Variants in RFC3 observed in about 807,000 individuals in gnomAD.
RFC3 encodes A1 38 kDa subunit.
RFC3 carries 41 observed loss-of-function variants against 45.1 expected under a neutral mutation model. That is an observed-to-expected ratio of 0.91 (90% CI 0.71 to 1.18). RFC3 has a LOEUF of 1.18. RFC3 is among the 50% of genes most tolerant of loss of function. The pLI is 0.00. For synonymous variants in RFC3, 149 were observed against 144.0 expected, an observed-to-expected ratio of 1.03 and a Z score of -0.25; for missense variants, 423 against 428.1, an observed-to-expected ratio of 0.99 and a Z score of 0.10.
intron 5 of RFC3, 51 bp downstream of exon 5, chr13:33,830,068 A>AC: frequency 4.7e-6 from 7 of 1,476,932 alleles, no homozygotes; most frequent in South Asian, 1.1e-5. Flanking sequence ...GATTCTCTGA[A>AC]TATTGTATGC....
intron 8 of RFC3, among the ~76,000 whole-genome samples, chr13:33,911,086 A>G (rs2082701402): frequency 6.6e-6 from 1 of 152,242 alleles, no homozygotes; most frequent in East Asian, 1.9e-4. Context: ...CTTGGAGAAG[A>G]GCACTGAAGA....
intron 8 of RFC3, among the ~76,000 whole-genome samples, chr13:33,843,170 A>T (rs898583315): frequency 6.6e-6 from 1 of 151,506 alleles, no homozygotes; most frequent in African/African-American, 2.4e-5. Flanking sequence ...ATATTTTTCA[A>T]ATTGATGAAC....
intron 2 of RFC3, among the ~76,000 whole-genome samples, chr13:33,822,191 G>A (rs755318370): frequency 9.2e-5 from 14 of 152,146 alleles, no homozygotes; most frequent in African/African-American, 2.4e-5. Flanking sequence ...AATATATAGG[G>A]ACAAATTTAA....
chr13:33,828,432 A>G (rs750226386), intron 4 of RFC3, among the ~76,000 whole-genome samples: 2 of 152,176 alleles, frequency 1.3e-5, no homozygotes, highest in Non-Finnish European at 2.9e-5. Context: ...AGGGAACTTC[A>G]TTTTGGTATT....
intron 8 of RFC3, among the ~76,000 whole-genome samples, chr13:33,935,758 G>C (rs140225501): frequency 6.6e-6 from 1 of 152,116 alleles, no homozygotes; most frequent in Non-Finnish European, 1.5e-5. Context: ...GTGGGAAGAG[G>C]ACACAGCATT....
chr13:33,854,400 A>T (rs892385616), intron 8 of RFC3, among the ~76,000 whole-genome samples: 2 of 152,196 alleles, frequency 1.3e-5, no homozygotes, highest in Non-Finnish European at 2.9e-5. Flanking sequence ...TAAATTGTTA[A>T]GAAACTCAAG....
At chr13:33,901,567 T>G (rs1453625335) in intron 8 of RFC3, among the ~76,000 whole-genome samples, 1 of 151,876 alleles carries the variant, frequency 6.6e-6, no homozygotes, top group Non-Finnish European at 1.5e-5. Context: ...TGAAGAGAAG[T>G]TAATTAATTG....
chr13:33,951,320 C>T (rs1016470607), intron 8 of RFC3, among the ~76,000 whole-genome samples: 28 of 151,142 alleles, frequency 1.9e-4, no homozygotes, highest in Non-Finnish European at 3.4e-4. Flanking sequence ...GCAACCTCTG[C>T]CTCCTGGTTC....
intron 8 of RFC3, among the ~76,000 whole-genome samples, chr13:33,860,042 A>G (rs1480316109): frequency 1.3e-5 from 2 of 152,174 alleles, no homozygotes; most frequent in African/African-American, 4.8e-5. Flanking sequence ...ATGAAAGACC[A>G]TGTGAGGACA....
chr13:33,916,097 C>A (rs976068295), intron 8 of RFC3, among the ~76,000 whole-genome samples: 12 of 152,150 alleles, frequency 7.9e-5, no homozygotes, highest in African/African-American at 2.7e-4. Context: ...CCATACCCAG[C>A]TGGGAATAAC....
At chr13:33,886,810 G>C (rs1311117976) in intron 8 of RFC3, among the ~76,000 whole-genome samples, 7 of 123,728 alleles carry the variant, frequency 5.7e-5, no homozygotes, top group African/African-American at 2.2e-4. Flanking sequence ...ACAGTCCCCA[G>C]AGTGTGATGT....
At chr13:33,864,095 G>A (rs1434101101) in intron 8 of RFC3, among the ~76,000 whole-genome samples, 2 of 152,142 alleles carry the variant, frequency 1.3e-5, no homozygotes, top group Admixed American at 1.3e-4. Flanking sequence ...GGGGGACCTG[G>A]AGTATCACAT....
chr13:33,876,922 C>T (rs1337608980), intron 8 of RFC3, among the ~76,000 whole-genome samples: 5 of 152,072 alleles, frequency 3.3e-5, no homozygotes, highest in African/African-American at 7.2e-5. Flanking sequence ...GTGCGCTTTT[C>T]GCAAAAAAGC....
intron 8 of RFC3, among the ~76,000 whole-genome samples, chr13:33,880,875 G>C (rs2082478785): frequency 6.6e-6 from 1 of 152,154 alleles, no homozygotes; most frequent in African/African-American, 2.4e-5. Flanking sequence ...GGCCAATATA[G>C]TGAAACTCCA....
At chr13:33,858,669 G>A (rs1286262088) in intron 8 of RFC3, among the ~76,000 whole-genome samples, 1 of 152,166 alleles carries the variant, frequency 6.6e-6, no homozygotes, top group Non-Finnish European at 1.5e-5. Context: ...ACCTACGGTT[G>A]GAGAACAGTG....
downstream of RFC3, among the ~76,000 whole-genome samples, chr13:33,967,314 C>T (rs559996898): frequency 3.9e-5 from 6 of 152,108 alleles, no homozygotes; most frequent in African/African-American, 7.2e-5. Context: ...CTGTATTCTG[C>T]GGAGTGCCAG....
intron 8 of RFC3, among the ~76,000 whole-genome samples, chr13:33,949,811 A>C (rs2082977567): frequency 6.6e-6 from 1 of 152,192 alleles, no homozygotes; most frequent in Non-Finnish European, 1.5e-5. Context: ...TGAAGACTTG[A>C]ATAGAACAAA....
At chr13:33,818,352 G>A (rs1326086758) in intron 1 of RFC3, 87 bp downstream of exon 1, 5 of 1,035,784 alleles carry the variant, frequency 4.8e-6, no homozygotes, top group Admixed American at 2.0e-5. Flanking sequence ...TGCTTCTCCC[G>A]CCCGCATTGG....
At chr13:33,918,637 A>C (rs577236716) in intron 8 of RFC3, among the ~76,000 whole-genome samples, 1 of 152,146 alleles carries the variant, frequency 6.6e-6, no homozygotes, top group Non-Finnish European at 1.5e-5. Flanking sequence ...GAAACCTCAA[A>C]TAATAGCACC....
Sources: gnomAD v4.1 joint callset for allele counts (sites outside exome capture counted in the v4.1 genomes callset) on GRCh38, gnomAD v4.1.1 for gene constraint, MANE v1.5 for transcripts, NCBI Gene and HGNC (gene_info 2026-07-23, HGNC 2026-07-21) for gene names.